Variants in OR2L13 observed in about 807,000 individuals in gnomAD.
The protein encoded by OR2L13 is olfactory receptor 2L13.
A neutral mutation model predicts 15.3 loss-of-function variants in OR2L13; 14 were observed. The observed-to-expected ratio is 0.91, with a 90% CI of 0.60 to 1.43. OR2L13 has a LOEUF of 1.43. OR2L13 is among the 40% of genes most tolerant of loss of function. OR2L13 has a pLI of 0.00. For missense variants in OR2L13, 367 were observed against 387.9 expected (o/e 0.95, Z 0.45); for synonymous variants, 152 against 142.9 (o/e 1.06, Z -0.45).
chr1:247,972,211 T>C, the OR2L13 span, among the ~76,000 whole-genome samples: 6 of 151,688 alleles, frequency 4.0e-5, no homozygotes, highest in Non-Finnish European at 7.4e-5. Context: ...TTAAAAGAAA[T>C]AGAGAAGCAA....
At chr1:248,091,052 T>C (rs1664586155), upstream of OR2L13, among the ~76,000 whole-genome samples, 1 of 152,222 alleles carries the variant, frequency 6.6e-6, no homozygotes. Context: ...TTGAGTACTT[T>C]TTCATATGCT....
the OR2L13 span, among the ~76,000 whole-genome samples, chr1:248,074,436 C>T: frequency 6.6e-6 from 1 of 150,820 alleles, no homozygotes; most frequent in South Asian, 2.1e-4. Flanking sequence ...TGATTCTATA[C>T]CTAGAAAACC....
chr1:248,044,834 A>AC, the OR2L13 span, among the ~76,000 whole-genome samples: 5 of 83,810 alleles, frequency 6.0e-5, 1 homozygote, highest in South Asian at 1.3e-3. Context: ...AAAAAAAAAA[A>AC]AAAAACGCCT....
chr1:248,044,377 G>T, the OR2L13 span, among the ~76,000 whole-genome samples: 1 of 152,190 alleles, frequency 6.6e-6, no homozygotes, highest in Non-Finnish European at 1.5e-5. Context: ...GTTGCTCAAA[G>T]TTAACTTGTC....
chr1:248,091,101 C>T (rs1664587368), upstream of OR2L13, among the ~76,000 whole-genome samples: 1 of 152,000 alleles, frequency 6.6e-6, no homozygotes, highest in South Asian at 2.1e-4. Context: ...AAAGAGTCTA[C>T]TAATATTCTT....
At chr1:248,005,111 A>G in the OR2L13 span, among the ~76,000 whole-genome samples, 1 of 152,208 alleles carries the variant, frequency 6.6e-6, no homozygotes, top group African/African-American at 2.4e-5. Flanking sequence ...TGGTAGCACA[A>G]CAGAGTGACT....
chr1:247,960,213 C>A, the OR2L13 span, among the ~76,000 whole-genome samples: 12 of 152,034 alleles, frequency 7.9e-5, no homozygotes, highest in Admixed American at 7.2e-4. Context: ...CACTCCAGAC[C>A]CTGTTTACCT....
the OR2L13 span, among the ~76,000 whole-genome samples, chr1:248,086,138 T>C: frequency 1.7e-4 from 26 of 152,220 alleles, no homozygotes; most frequent in Non-Finnish European, 3.5e-4. Flanking sequence ...TTTAGATCAT[T>C]TTATGTTGCC....
the OR2L13 span, among the ~76,000 whole-genome samples, chr1:248,080,611 C>G: frequency 6.6e-6 from 1 of 152,174 alleles, no homozygotes; most frequent in African/African-American, 2.4e-5. Flanking sequence ...GTAAACTCAT[C>G]CTTTCTAATG....
chr1:248,061,569 G>A, the OR2L13 span: 4 of 1,613,628 alleles, frequency 2.5e-6, no homozygotes, highest in Non-Finnish European at 3.4e-6. Context: ...ACAAGGAGGT[G>A]ATGGGGGCCC....
the OR2L13 span, among the ~76,000 whole-genome samples, chr1:248,021,530 C>A: frequency 2.0e-4 from 31 of 152,182 alleles, no homozygotes; most frequent in African/African-American, 7.2e-4. Context: ...CAGTCATAGC[C>A]CAATGTTGCA....
chr1:247,949,812 A>G, the OR2L13 span: 18 of 1,587,780 alleles, frequency 1.1e-5, no homozygotes, highest in Non-Finnish European at 1.5e-5. Flanking sequence ...CTTTCTGCCT[A>G]AGGTCTCAGG....
the OR2L13 span, among the ~76,000 whole-genome samples, chr1:248,059,533 A>G: frequency 6.6e-6 from 1 of 152,220 alleles, no homozygotes; most frequent in African/African-American, 2.4e-5. Flanking sequence ...AGGAGGCAAA[A>G]GAGAATGGAT....
At chr1:248,061,164 T>G in the OR2L13 span, 469 of 1,613,128 alleles carry the variant, frequency 2.9e-4, 1 homozygote, top group Non-Finnish European at 6.3e-5. Context: ...ACACTGTATA[T>G]GTACTCCATA....
chr1:248,072,140 A>G, the OR2L13 span, among the ~76,000 whole-genome samples: 3 of 151,954 alleles, frequency 2.0e-5, no homozygotes. Flanking sequence ...TAAAGTTCAT[A>G]TGGAACCAGA....
chr1:247,938,138 A>AT, the OR2L13 span, among the ~76,000 whole-genome samples: 17 of 152,096 alleles, frequency 1.1e-4, no homozygotes, highest in African/African-American at 2.7e-4. Flanking sequence ...TATTAATAAC[A>AT]TTTTTTCCCT....
the OR2L13 span, among the ~76,000 whole-genome samples, chr1:247,973,258 G>C: frequency 6.6e-6 from 1 of 152,110 alleles, no homozygotes; most frequent in Non-Finnish European, 1.5e-5. Flanking sequence ...GGGCAACATA[G>C]TATTGGAAGT....
the OR2L13 span, among the ~76,000 whole-genome samples, chr1:247,956,293 A>T: frequency 1.3e-5 from 2 of 151,890 alleles, no homozygotes; most frequent in Admixed American, 1.3e-4. Flanking sequence ...CTTCTGTTCC[A>T]TTGGTCTATA....
At chr1:248,054,130 T>C in the OR2L13 span, among the ~76,000 whole-genome samples, 1 of 152,198 alleles carries the variant, frequency 6.6e-6, no homozygotes, top group African/African-American at 2.4e-5. Context: ...GAGTTAATTT[T>C]TGTGTAAGGT....
Sources: gnomAD v4.1 joint callset for allele counts (sites outside exome capture counted in the v4.1 genomes callset) on GRCh38, gnomAD v4.1.1 for gene constraint, MANE v1.5 for transcripts, NCBI Gene and HGNC (gene_info 2026-07-23, HGNC 2026-07-21) for gene names.